The following LMBRD1 variants were observed in gnomAD, a reference collection of about 807,000 sequenced individuals.
LMBRD1 encodes lysosomal cobalamin transport escort protein LMBD1.
In LMBRD1, 64 loss-of-function variants were observed where a neutral mutation model predicts 74.8. That is an observed-to-expected ratio of 0.86 (90% CI 0.70 to 1.05). The LOEUF (loss-of-function observed/expected upper bound fraction) is 1.05. Ranked by LOEUF, LMBRD1 falls within the 50% of genes least tolerant of loss-of-function variation. The pLI, the probability that LMBRD1 is intolerant of heterozygous loss-of-function variation, is 0.00. For missense variants in LMBRD1, 652 were observed against 645.9 expected (o/e 1.01, Z -0.10); for synonymous variants, 204 against 216.3 (o/e 0.94, Z 0.50).
intron 1 of LMBRD1, among the ~76,000 whole-genome samples, chr6:69,793,557 T>C (rs575680639): frequency 2.2e-4 from 33 of 152,174 alleles, no homozygotes; most frequent in South Asian, 4.1e-4. Context: ...ACAGAGGACA[T>C]TGAAGCTAGA....
intron 13 of LMBRD1, 27 bp downstream of exon 13, chr6:69,699,016 T>C (rs1468664343): frequency 6.9e-7 from 1 of 1,447,846 alleles, no homozygotes; most frequent in East Asian, 2.3e-5. Flanking sequence ...AATATCAAAA[T>C]AATCAAGTTT....
Position 69,700,811 on chromosome 6 carries a change from GAAGT to G in LMBRD1, c.1138_1141del (p.Thr380GlnfsTer35). The G allele has an allele frequency of 6.6e-7, 1 of 1,511,332 alleles. No homozygotes were observed. Among genetic ancestry groups the G allele is most frequent in the Non-Finnish European group, 9.0e-7 (1 of 1,109,218 alleles). The allele number at this position is 1,511,332 out of a possible 1,614,324, so 93.6% of individuals were successfully genotyped here. On this transcript the variant is annotated frameshift_variant, in exon 12 of 16. Coordinates refer to ENST00000649934, the MANE Select transcript of LMBRD1 (RefSeq NM_018368.4). LOFTEE classifies it high-confidence loss of function. ...GCCAATATTTCGAATTCCTGCCATT[GAAGT>G]AAAAATAAAGTACATAATAATAATT...
intron 3 of LMBRD1, among the ~76,000 whole-genome samples, chr6:69,760,660 A>T (rs1582133957): frequency 6.6e-6 from 1 of 152,252 alleles, no homozygotes; most frequent in Admixed American, 6.5e-5. Flanking sequence ...TCTCAGCTTG[A>T]GTGTGGGCTG....
intron 2 of LMBRD1, 41 bp downstream of exon 2, chr6:69,790,255 T>C (rs1427002831): frequency 1.4e-6 from 2 of 1,426,372 alleles, no homozygotes; most frequent in Non-Finnish European, 9.8e-7. Context: ...GTGCCAGAAA[T>C]TTGAAAGGAA....
intron 3 of LMBRD1, among the ~76,000 whole-genome samples, chr6:69,780,060 T>C (rs1034741731): frequency 6.6e-6 from 1 of 151,412 alleles, no homozygotes; most frequent in Non-Finnish European, 1.5e-5. Flanking sequence ...TATCCCCACC[T>C]GTGTAGAAGA....
chr6:69,719,207 ACATGG>A (rs1328175031), intron 7 of LMBRD1, 126 bp from the exon 8 acceptor site: 1 of 813,420 alleles, frequency 1.2e-6, no homozygotes, highest in Non-Finnish European at 2.0e-6. Flanking sequence ...GTCACTGAAA[ACATGG>A]TATATGGGAG....
chr6:69,764,280 G>T (rs1195843160), intron 3 of LMBRD1, among the ~76,000 whole-genome samples: 1 of 152,084 alleles, frequency 6.6e-6, no homozygotes, highest in South Asian at 2.1e-4. Context: ...TGGCATTAGT[G>T]TCCTTATAAG....
intron 9 of LMBRD1, among the ~76,000 whole-genome samples, chr6:69,704,621 A>G (rs1766208786): frequency 6.6e-6 from 1 of 151,954 alleles, no homozygotes; most frequent in Non-Finnish European, 1.5e-5. Flanking sequence ...AGAATCAGAC[A>G]TTTCTCCAAG....
chr6:69,705,796 T>C, intron 9 of LMBRD1: 1 of 1,187,958 alleles, frequency 8.4e-7, no homozygotes, highest in Non-Finnish European at 1.2e-6. Flanking sequence ...ACTGACTGCA[T>C]CTTCCTCCAC....
At chr6:69,765,229 C>A (rs1356095259) in intron 3 of LMBRD1, among the ~76,000 whole-genome samples, 1 of 152,090 alleles carries the variant, frequency 6.6e-6, no homozygotes. Context: ...TTGTGCCCCC[C>A]TCCCTTAATT....
chr6:69,686,420 T>G (rs1360915496), intron 14 of LMBRD1, among the ~76,000 whole-genome samples: 1 of 152,034 alleles, frequency 6.6e-6, no homozygotes, highest in African/African-American at 2.4e-5. Context: ...CACTATTAGT[T>G]CTCTATGAAG....
At chr6:69,771,612 T>C (rs528043798) in intron 3 of LMBRD1, among the ~76,000 whole-genome samples, 7 of 152,134 alleles carry the variant, frequency 4.6e-5, no homozygotes, top group South Asian at 4.1e-4. Flanking sequence ...CACAGCAAAA[T>C]AGTAGATGAG....
In LMBRD1 at chr6:69,700,781, C is replaced by A; in HGVS notation, c.1172G>T (p.Trp391Leu). The A allele has an allele frequency of 6.6e-7, 1 of 1,514,240 alleles. No homozygotes were observed. 93.8% of individuals were successfully genotyped at this position (1,514,240 alleles called of 1,614,324 possible). Residue 391 changes from tryptophan (W) to leucine (L), a missense_variant, in exon 12 of 16, where the codon TGG becomes TTG. Physicochemically the swap from Trp to Leu is moderately conservative, Grantham distance 61 (BLOSUM62 -2). Transcript: ENST00000649934. ...SMAGIRNIGI[W>L]FFWIRLYKIR... ...TATACTTACTCTAATCCAAAAGAACCATATGCCAATATTTCGAATTCCTGC... is the reference window on the plus strand; with the variant it reads ...TATACTTACTCTAATCCAAAAGAACAATATGCCAATATTTCGAATTCCTGC...
rs1276380205 is a variant in LMBRD1 at position 69,697,650 on chromosome 6, TA to T, written c.1339-10del. 2.0e-6 allele frequency: 3 copies of T among 1,494,616 alleles called. No homozygotes were observed. Among genetic ancestry groups the T allele is most frequent in the Non-Finnish European group, 1.9e-6 (2 of 1,073,654 alleles). 92.6% of individuals were successfully genotyped at this position (1,494,616 alleles called of 1,614,324 possible). On this transcript the variant is annotated splice_polypyrimidine_tract_variant and intron_variant, in intron 13 of 15. Transcript: ENST00000649934. ...TCAGAAGTTATATTAGTCTGAAAGATAAAAATACAGTTAAAATATAAAAACC... is the reference window on the plus strand; with the variant it reads ...TCAGAAGTTATATTAGTCTGAAAGATAAAATACAGTTAAAATATAAAAACC...
At chr6:69,745,274 C>T (rs1450152319) in intron 5 of LMBRD1, among the ~76,000 whole-genome samples, 3 of 136,336 alleles carry the variant, frequency 2.2e-5, no homozygotes, top group Non-Finnish European at 3.1e-5. Context: ...TTTTTTGAGA[C>T]GGAGTCTCGC....
chr6:69,687,418 TAG>T (rs1765788213), intron 14 of LMBRD1, among the ~76,000 whole-genome samples: 1 of 152,234 alleles, frequency 6.6e-6, no homozygotes, highest in Non-Finnish European at 1.5e-5. Flanking sequence ...ACAGGGATAC[TAG>T]AGTGTTTTGT....
chr6:69,775,050 T>A (rs1410987745), intron 3 of LMBRD1, among the ~76,000 whole-genome samples: 2 of 135,116 alleles, frequency 1.5e-5, no homozygotes, highest in South Asian at 2.4e-4. Flanking sequence ...AAGGAAAAGA[T>A]GAAGAACTAA....
At chr6:69,755,056 T>C (rs547350903) in intron 3 of LMBRD1, among the ~76,000 whole-genome samples, 3 of 152,274 alleles carry the variant, frequency 2.0e-5, no homozygotes, top group African/African-American at 7.2e-5. Flanking sequence ...GAAATACCAT[T>C]TGACCCAGCA....
At chr6:69,703,226 T>C (rs3799109) in intron 9 of LMBRD1, among the ~76,000 whole-genome samples, 12,203 of 152,124 alleles carry the variant, frequency 0.08, 653 homozygotes, top group Admixed American at 0.15. Flanking sequence ...AAAGGAGTTA[T>C]ACTTTTTTTT....
Sources: allele counts gnomAD v4.1 joint callset (sites outside exome capture counted in the v4.1 genomes callset), GRCh38; gene constraint gnomAD v4.1.1; transcripts MANE v1.5; gene names NCBI Gene and HGNC (gene_info 2026-07-23, HGNC 2026-07-21).